Variants in CEP83 observed in about 807,000 individuals in gnomAD.
CEP83 encodes centrosomal protein of 83 kDa.
A neutral mutation model predicts 101.9 loss-of-function variants in CEP83; 70 were observed. That is an observed-to-expected ratio of 0.69 (90% CI 0.57 to 0.84). The LOEUF is 0.84. CEP83 is among the 40% of genes least tolerant of loss of function. The probability of loss-of-function intolerance (pLI) is 0.00; values close to 1 mark genes in which losing one functional copy is unlikely to be tolerated. For synonymous variants in CEP83, 264 were observed against 267.9 expected (o/e 0.99, Z 0.14); for missense variants, 715 against 787.2 (o/e 0.91, Z 1.10).
chr12:94,378,544 T>C (rs1243564275), intron 7 of CEP83, among the ~76,000 whole-genome samples: 1 of 152,130 alleles, frequency 6.6e-6, no homozygotes, highest in South Asian at 2.1e-4. Flanking sequence ...ATTTTAAGAG[T>C]TAAGACATTT....
At chr12:94,271,017 T>C in the CEP83 span, among the ~76,000 whole-genome samples, 2 of 152,168 alleles carry the variant, frequency 1.3e-5, no homozygotes, top group Non-Finnish European at 2.9e-5. Flanking sequence ...TCCCTCAGAC[T>C]TGCACTTCTA....
chr12:94,442,646 T>C (rs985187177), intron 1 of CEP83, among the ~76,000 whole-genome samples: 3 of 152,238 alleles, frequency 2.0e-5, no homozygotes, highest in Non-Finnish European at 4.4e-5. Flanking sequence ...TGATAATCTG[T>C]CTTTTGTTAT....
At chr12:94,405,667 A>G (rs1250054830) in intron 4 of CEP83, among the ~76,000 whole-genome samples, 2 of 152,230 alleles carry the variant, frequency 1.3e-5, no homozygotes, top group African/African-American at 4.8e-5. Context: ...GCAAGACACT[A>G]GACATAAGAA....
chr12:94,349,042 T>C (rs1053425738), intron 11 of CEP83, among the ~76,000 whole-genome samples: 9 of 151,992 alleles, frequency 5.9e-5, no homozygotes, highest in African/African-American at 1.9e-4. Flanking sequence ...TCCCAGCACT[T>C]TGGGAGGCCG....
intron 2 of CEP83, among the ~76,000 whole-genome samples, chr12:94,414,677 G>A (rs1010009625): frequency 6.6e-6 from 1 of 152,130 alleles, no homozygotes; most frequent in Non-Finnish European, 1.5e-5. Flanking sequence ...ATCCAAATAA[G>A]TTAAAATAAG....
At chr12:94,383,603 C>A (rs1046956721) in intron 6 of CEP83, among the ~76,000 whole-genome samples, 3 of 152,058 alleles carry the variant, frequency 2.0e-5, no homozygotes, top group Non-Finnish European at 4.4e-5. Context: ...CTGTAAATAT[C>A]TGTATTTTAA....
At chr12:94,355,650 C>T (rs1365290413) in intron 11 of CEP83, among the ~76,000 whole-genome samples, 1 of 152,214 alleles carries the variant, frequency 6.6e-6, no homozygotes, top group African/African-American at 2.4e-5. Flanking sequence ...AATAAAATCT[C>T]TGCAGCAATG....
At chr12:94,421,649 G>A (rs913734906) in intron 2 of CEP83, among the ~76,000 whole-genome samples, 8 of 152,290 alleles carry the variant, frequency 5.3e-5, no homozygotes, top group Admixed American at 3.9e-4. Flanking sequence ...ACAAGGATAT[G>A]CTCTGATAAA....
At chr12:94,422,155 T>G (rs1308458920) in intron 2 of CEP83, among the ~76,000 whole-genome samples, 1 of 152,150 alleles carries the variant, frequency 6.6e-6, no homozygotes, top group African/African-American at 2.4e-5. Context: ...TACCTTTACC[T>G]CTTTTGGGAG....
the CEP83 span, among the ~76,000 whole-genome samples, chr12:94,293,726 C>T: frequency 6.6e-6 from 1 of 152,196 alleles, no homozygotes; most frequent in Non-Finnish European, 1.5e-5. Context: ...TCAAGTGATC[C>T]TCTCACCTCA....
At chr12:94,322,392 A>T (rs945734047) in intron 14 of CEP83, among the ~76,000 whole-genome samples, 3 of 151,884 alleles carry the variant, frequency 2.0e-5, no homozygotes, top group South Asian at 4.2e-4. Context: ...CTGTCCACTG[A>T]GGAGGAATGG....
chr12:94,361,959 T>A (rs1486439158), intron 11 of CEP83, among the ~76,000 whole-genome samples: 3 of 152,046 alleles, frequency 2.0e-5, no homozygotes, highest in African/African-American at 7.2e-5. Context: ...CCTTGGCCTC[T>A]CAAAGTGCTG....
chr12:94,318,182 G>C (rs1189576514), intron 14 of CEP83, among the ~76,000 whole-genome samples: 1 of 152,096 alleles, frequency 6.6e-6, no homozygotes, highest in Non-Finnish European at 1.5e-5. Context: ...GTGCAATTGT[G>C]AATGGGATTG....
chr12:94,442,104 G>C (rs2066454846), intron 1 of CEP83, among the ~76,000 whole-genome samples: 1 of 150,620 alleles, frequency 6.6e-6, no homozygotes, highest in African/African-American at 2.4e-5. Context: ...CCAATGAGTA[G>C]ATAAAGAAAA....
At chr12:94,305,502 T>C (rs1968914208), downstream of CEP83, 1 of 469,740 alleles carries the variant, frequency 2.1e-6, no homozygotes, top group Non-Finnish European at 3.8e-6. Flanking sequence ...GTAAATAGAG[T>C]TGAAGTGGTT....
At chr12:94,436,873 A>C (rs2066029193) in intron 1 of CEP83, among the ~76,000 whole-genome samples, 1 of 151,786 alleles carries the variant, frequency 6.6e-6, no homozygotes, top group South Asian at 2.1e-4. Flanking sequence ...AGAAAAGAGA[A>C]GAAAAAATTA....
chr12:94,354,260 G>A (rs1285445276), intron 11 of CEP83, among the ~76,000 whole-genome samples: 3 of 151,666 alleles, frequency 2.0e-5, no homozygotes, highest in Admixed American at 1.3e-4. Context: ...GCACAATCTC[G>A]GCTCACTGTA....
chr12:94,357,989 C>T (rs897484562), intron 11 of CEP83, among the ~76,000 whole-genome samples: 5 of 152,172 alleles, frequency 3.3e-5, no homozygotes, highest in African/African-American at 1.2e-4. Context: ...AAATGTCCTA[C>T]CTGTGAAATA....
At chr12:94,437,453 A>C (rs1050899480) in intron 1 of CEP83, among the ~76,000 whole-genome samples, 42 of 152,344 alleles carry the variant, frequency 2.8e-4, no homozygotes, top group African/African-American at 9.9e-4. Flanking sequence ...TAAAGTCAAG[A>C]CAAAGAAAAG....
Sources: allele counts gnomAD v4.1 joint callset (sites outside exome capture counted in the v4.1 genomes callset), GRCh38; gene constraint gnomAD v4.1.1; transcripts MANE v1.5; gene names NCBI Gene and HGNC (gene_info 2026-07-23, HGNC 2026-07-21).